Variants in MARVELD2 observed in about 807,000 individuals in gnomAD.
The protein encoded by MARVELD2 is MARVEL domain containing 2.
Under a neutral mutation model 57.6 loss-of-function variants are expected in MARVELD2, and 49 were observed. That is an observed-to-expected ratio of 0.85 (90% CI 0.68 to 1.08). MARVELD2 has a LOEUF of 1.08. MARVELD2 is among the 50% of genes least tolerant of loss of function. The pLI is 0.00. For synonymous variants in MARVELD2, 238 were observed against 258.8 expected, an observed-to-expected ratio of 0.92 and a Z score of 0.77; for missense variants, 606 against 701.1, an observed-to-expected ratio of 0.86 and a Z score of 1.53.
chr5:69,424,459 C>CA (rs1554046792), intron 2 of MARVELD2, 142 bp from the exon 3 acceptor site: 8 of 705,838 alleles, frequency 1.1e-5, no homozygotes, highest in South Asian at 7.7e-5. Context: ...AAAACCTAGG[C>CA]AAAAAAAGGA....
At chr5:69,415,742 T>C (rs1457363397) in intron 1 of MARVELD2, 1 of 152,206 alleles carries the variant, frequency 6.6e-6, no homozygotes, top group Non-Finnish European at 1.5e-5. Flanking sequence ...GGTGGTTCTG[T>C]TTGTGTAAAG....
chr5:69,436,432 CACACACACACACACACACACAT>C (rs1351988084), intron 5 of MARVELD2, among the ~76,000 whole-genome samples: 27 of 143,220 alleles, frequency 1.9e-4, no homozygotes, highest in Non-Finnish European at 2.9e-4. Context: ...CACACACACA[CACACACACACACACACACACAT>C]ATATATAAAT....
chr5:69,430,783 C>G (rs188519988), intron 3 of MARVELD2, among the ~76,000 whole-genome samples: 1 of 151,490 alleles, frequency 6.6e-6, no homozygotes, highest in Non-Finnish European at 1.5e-5. Flanking sequence ...ATCCACCCCC[C>G]TCGGCCTCCC....
chr5:69,416,207 A>G (rs1337710599), intron 1 of MARVELD2, among the ~76,000 whole-genome samples: 1 of 152,212 alleles, frequency 6.6e-6, no homozygotes, highest in South Asian at 2.1e-4. Flanking sequence ...TTTTGCTTCT[A>G]CATTTCTTAG....
At chr5:69,427,987 C>G (rs917678803) in intron 3 of MARVELD2, among the ~76,000 whole-genome samples, 28 of 152,020 alleles carry the variant, frequency 1.8e-4, no homozygotes, top group Non-Finnish European at 3.2e-4. Flanking sequence ...TGGTGCATGC[C>G]TGTAATCCCA....
intron 2 of MARVELD2, among the ~76,000 whole-genome samples, chr5:69,421,589 T>C (rs1326150777): frequency 6.6e-6 from 1 of 152,150 alleles, no homozygotes; most frequent in Non-Finnish European, 1.5e-5. Flanking sequence ...TTGAATCTGA[T>C]GCATAGCAAC....
At chr5:69,432,428 AC>A in intron 3 of MARVELD2, 98 bp from the exon 4 acceptor site, 1 of 1,346,904 alleles carries the variant, frequency 7.4e-7, no homozygotes, top group East Asian at 2.5e-5. Context: ...GGTTTGAGCC[AC>A]CCCACCTGAT....
At position 69,441,611 on chromosome 5, in the gene MARVELD2, A is replaced by G; in HGVS notation, c.1634A>G (p.Glu545Gly). The stretch of plus-strand genomic sequence containing the variant: ...TCTCACATAAAGCAAAGAATTCAAG[A>G]ATATGATAAAGTAATGAATTGGGAT... ...KLSHIKQRIQEYDKVMNWDVQ... is the reference protein window; with the variant it reads ...KLSHIKQRIQGYDKVMNWDVQ... Residue 545 changes from glutamate to glycine, a missense_variant, in exon 7 of 7, where the codon GAA becomes GGA. Physicochemically the swap from Glu to Gly is moderately conservative, Grantham distance 98. Transcript: ENST00000325631. 1 of 1,594,652 alleles carries G rather than the reference A, an allele frequency of 6.3e-7. No individual in the cohort carries two copies. Among genetic ancestry groups the G allele is most frequent in the Admixed American group, 1.7e-5 (1 of 59,910 alleles).
At position 69,420,660 on chromosome 5, in the gene MARVELD2, T is replaced by C; in HGVS notation, c.1146+129T>C. On this transcript the variant is annotated intron_variant, in intron 2 of 6. Transcript: ENST00000325631. Reference sequence around the variant, plus strand: ...AGAAATCTTTTCTTTCTTCCTTTTTTTTTTTTTCAATGGTCTGAGATTCAA... The same window carrying C: ...AGAAATCTTTTCTTTCTTCCTTTTTCTTTTTTTCAATGGTCTGAGATTCAA... 4.2e-6 allele frequency: 4 copies of C among 959,436 alleles called. No individual in the cohort carries two copies. The South Asian group carries it at 6.2e-5, about 15-fold the overall frequency. The allele number at this position is 959,436 out of a possible 1,614,324, so 59.4% of individuals were successfully genotyped here. A position where few individuals can be genotyped will look rare whatever the true frequency, so the allele number is the denominator to read the frequency against.
intron 3 of MARVELD2, among the ~76,000 whole-genome samples, chr5:69,427,911 G>C (rs1358108881): frequency 2.0e-5 from 3 of 152,008 alleles, no homozygotes; most frequent in South Asian, 4.1e-4. Flanking sequence ...CAGGAGTTTG[G>C]GACCAGCTTG....
intron 6 of MARVELD2, 60 bp from the exon 7 acceptor site, chr5:69,441,472 T>C (rs1580504364): frequency 6.3e-7 from 1 of 1,588,876 alleles, no homozygotes; most frequent in East Asian, 2.3e-5. Context: ...ACAATGTATG[T>C]TTCTGTGTTT....
Position 69,432,928 on chromosome 5 carries a change from C to A in MARVELD2, c.1338C>A (p.Tyr446Ter). The A allele has an allele frequency of 6.2e-7, 1 of 1,614,180 alleles. No homozygotes were observed. Among genetic ancestry groups the A allele is most frequent in the Non-Finnish European group, 8.5e-7 (1 of 1,180,040 alleles). Residue 446 changes from tyrosine to a stop codon, truncating the protein, a stop_gained, in exon 5 of 7, where the codon TAC becomes TAA. Transcript: ENST00000325631. LOFTEE classifies it high-confidence loss of function. ...PIVMPDYVAKYPVIQTDDERE... is the reference protein window; with the variant it reads ...PIVMPDYVAK ...GCTTATGTTTTTCCCCTAGAAAATACCCTGTGATTCAGACAGATGATGAGC... is the reference window on the plus strand; with the variant it reads ...GCTTATGTTTTTCCCCTAGAAAATAACCTGTGATTCAGACAGATGATGAGC...
rs1220039858 is a variant in MARVELD2 at position 69,419,745 on chromosome 5, T to G, written c.360T>G (p.Ser120=). Residue 120 remains serine (S), a synonymous_variant, in exon 2 of 7, where the codon TCT becomes TCG. Coordinates refer to ENST00000325631, the MANE Select transcript of MARVELD2 (RefSeq NM_001038603.3). ...SDGVECSPPA[S]PARPNHRSPL... ...GAGTGGAGTGTTCACCACCAGCCTC[T>G]CCAGCAAGACCAAACCACCGTTCGC... 6.2e-7 allele frequency: 1 copy of G among 1,614,092 alleles called. No individual in the cohort carries two copies. The highest frequency in any genetic ancestry group is 8.5e-7 in the Non-Finnish European group (1 of 1,180,018).
chr5:69,423,021 C>G (rs1021224478), intron 2 of MARVELD2, among the ~76,000 whole-genome samples: 1 of 152,186 alleles, frequency 6.6e-6, no homozygotes, highest in Non-Finnish European at 1.5e-5. Context: ...CCTCAGCCCC[C>G]CTAGTAGCTG....
rs368264974 is a variant in MARVELD2 at position 69,430,813 on chromosome 5, C to T, written c.1183-1714C>T. On this transcript the variant is annotated intron_variant, in intron 3 of 6. Coordinates refer to ENST00000325631, the MANE Select transcript of MARVELD2 (RefSeq NM_001038603.3). Reference sequence around the variant, plus strand: ...CCTCCCAAAGTGCTGAGATTACAGGCGTGAGCCACCTTGCCTGGCCCAGTT... The same window carrying T: ...CCTCCCAAAGTGCTGAGATTACAGGTGTGAGCCACCTTGCCTGGCCCAGTT... Among the ~76,000 whole-genome samples the T allele has an allele frequency of 5.3e-4, 80 of 152,116 alleles. No homozygotes were observed. The South Asian group carries it at 0.012, about 23-fold the overall frequency.
At chr5:69,433,322 G>A (rs1399141745) in intron 5 of MARVELD2, among the ~76,000 whole-genome samples, 1 of 148,038 alleles carries the variant, frequency 6.8e-6, no homozygotes, top group South Asian at 2.1e-4. Context: ...GCCACCACAC[G>A]TAGCTAATTT....
At position 69,436,003 on chromosome 5, in the gene MARVELD2, T is replaced by C. The variant is rs367559837; in HGVS notation, c.1503+2910T>C. 3.3e-5 allele frequency among the ~76,000 whole-genome samples: 5 copies of C among 152,186 alleles called. 1 individual carries two copies. In the East Asian group the frequency reaches 9.6e-4, roughly 29 times the overall value. On this transcript the variant is annotated intron_variant, in intron 5 of 6. Transcript: ENST00000325631. The stretch of plus-strand genomic sequence containing the variant: ...TGTGGTGGAATAATATTCTGCTATA[T>C]GGATATACCACATTTTGTTTATCCA...
At chr5:69,434,459 C>CA (rs78411790) in intron 5 of MARVELD2, among the ~76,000 whole-genome samples, 963 of 71,752 alleles carry the variant, frequency 0.013, 12 homozygotes, top group African/African-American at 0.036. Context: ...ACCATGTCTC[C>CA]AAAAAAAAAA....
chr5:69,425,791 C>T (rs1207725467), intron 3 of MARVELD2, among the ~76,000 whole-genome samples: 6 of 150,362 alleles, frequency 4.0e-5, no homozygotes, highest in Non-Finnish European at 7.4e-5. Context: ...TGCAGTGGCG[C>T]TATCTCGGCT....
Sources: gnomAD v4.1 joint callset for allele counts (sites outside exome capture counted in the v4.1 genomes callset) on GRCh38, gnomAD v4.1.1 for gene constraint, MANE v1.5 for transcripts, NCBI Gene and HGNC (gene_info 2026-07-23, HGNC 2026-07-21) for gene names.